Variants in SWT1 observed in about 807,000 individuals in gnomAD.
The protein encoded by SWT1 is SWT1 RNA endoribonuclease homolog.
SWT1 carries 33 observed loss-of-function variants against 107.3 expected under a neutral mutation model. The ratio of observed to expected loss-of-function variants is 0.31; its 90% CI spans 0.23 to 0.41. The LOEUF (loss-of-function observed/expected upper bound fraction) is 0.41. SWT1 is among the 10% of genes least tolerant of loss of function. The pLI, the probability that SWT1 is intolerant of heterozygous loss-of-function variation, is 1.00. For synonymous variants in SWT1, 345 were observed against 348.3 expected (o/e 0.99, Z 0.11); for missense variants, 898 against 1,028.9 (o/e 0.87, Z 1.74).
At chr1:185,271,944 CA>C (rs1166081724) in intron 17 of SWT1, among the ~76,000 whole-genome samples, 2 of 152,174 alleles carry the variant, frequency 1.3e-5, no homozygotes, top group African/African-American at 4.8e-5. Flanking sequence ...TGTTTCTCAT[CA>C]GGGGTGCTGT....
At chr1:185,230,192 C>T (rs1047359627) in intron 15 of SWT1, among the ~76,000 whole-genome samples, 3 of 152,190 alleles carry the variant, frequency 2.0e-5, no homozygotes, top group African/African-American at 7.2e-5. Context: ...CCGTAGTCAA[C>T]ATTGTGAATT....
chr1:185,275,437 A>G (rs1664175380), intron 17 of SWT1, among the ~76,000 whole-genome samples: 2 of 148,626 alleles, frequency 1.3e-5, no homozygotes, highest in Non-Finnish European at 3.0e-5. Flanking sequence ...TATAATATCA[A>G]ATATTATATA....
chr1:185,226,446 C>T (rs77430591), intron 15 of SWT1, among the ~76,000 whole-genome samples: 5,390 of 152,014 alleles, frequency 0.035, 306 homozygotes, highest in African/African-American at 0.12. Context: ...AAAACTATAC[C>T]AGAGCGAGGC....
intron 15 of SWT1, among the ~76,000 whole-genome samples, chr1:185,231,282 A>G (rs1316620521): frequency 6.6e-6 from 1 of 152,174 alleles, no homozygotes; most frequent in Non-Finnish European, 1.5e-5. Context: ...ATGCAGATGG[A>G]TAGCATTACT....
intron 5 of SWT1, among the ~76,000 whole-genome samples, chr1:185,178,680 A>G (rs1655774501): frequency 6.6e-6 from 1 of 152,188 alleles, no homozygotes; most frequent in Non-Finnish European, 1.5e-5. Flanking sequence ...GGAAGAGAAT[A>G]AAGAGATGTA....
At chr1:185,172,118 A>T (rs1264990259) in intron 4 of SWT1, among the ~76,000 whole-genome samples, 1 of 152,258 alleles carries the variant, frequency 6.6e-6, no homozygotes, top group East Asian at 1.9e-4. Context: ...GGTGCCTACC[A>T]GAGTGATGGC....
chr1:185,178,179 A>G (rs1655724745), intron 5 of SWT1, among the ~76,000 whole-genome samples: 1 of 152,226 alleles, frequency 6.6e-6, no homozygotes, highest in South Asian at 2.1e-4. Context: ...AGGACTAGAT[A>G]TGCTGTCCAG....
At chr1:185,216,377 C>A (rs1659217121) in intron 14 of SWT1, among the ~76,000 whole-genome samples, 1 of 151,902 alleles carries the variant, frequency 6.6e-6, no homozygotes, top group Non-Finnish European at 1.5e-5. Context: ...TTTCCCGTCA[C>A]AAAATTGAGT....
chr1:185,194,075 T>G (rs1657186230), intron 10 of SWT1, among the ~76,000 whole-genome samples: 1 of 152,204 alleles, frequency 6.6e-6, no homozygotes, highest in Non-Finnish European at 1.5e-5. Flanking sequence ...GGTTCTAAAG[T>G]CTTCTTTGTC....
At chr1:185,215,967 T>G (rs762305169) in intron 14 of SWT1, among the ~76,000 whole-genome samples, 1 of 152,028 alleles carries the variant, frequency 6.6e-6, no homozygotes, top group Non-Finnish European at 1.5e-5. Context: ...TATGTTCTCT[T>G]TTTTCTCTGA....
chr1:185,267,498 G>C (rs1213030009), intron 16 of SWT1, among the ~76,000 whole-genome samples: 2 of 152,190 alleles, frequency 1.3e-5, no homozygotes, highest in African/African-American at 4.8e-5. Flanking sequence ...CCAGCTGTGA[G>C]CTGCAGATTA....
At chr1:185,204,508 T>A (rs1658150346) in intron 11 of SWT1, among the ~76,000 whole-genome samples, 192 bp from the exon 12 acceptor site, 1 of 152,100 alleles carries the variant, frequency 6.6e-6, no homozygotes, top group Non-Finnish European at 1.5e-5. Flanking sequence ...AGTAATATAT[T>A]TATGTTGCAT....
chr1:185,219,126 A>C (rs1481073915), intron 14 of SWT1, among the ~76,000 whole-genome samples: 1 of 152,240 alleles, frequency 6.6e-6, no homozygotes. Context: ...GTAAACAGAC[A>C]AAAATGGGAA....
chr1:185,177,601 C>T (rs1470919599), intron 5 of SWT1, among the ~76,000 whole-genome samples: 1 of 152,032 alleles, frequency 6.6e-6, no homozygotes, highest in Non-Finnish European at 1.5e-5. Flanking sequence ...CATCTTAATA[C>T]CCTGTTTGTT....
At chr1:185,183,710 C>T (rs905488503) in intron 7 of SWT1, among the ~76,000 whole-genome samples, 3 of 152,180 alleles carry the variant, frequency 2.0e-5, no homozygotes, top group Non-Finnish European at 4.4e-5. Context: ...AATTACTCCC[C>T]AGGCAAGTCA....
chr1:185,160,735 A>C (rs1654071536), intron 1 of SWT1, 98 bp from the exon 2 acceptor site: 1 of 819,700 alleles, frequency 1.2e-6, no homozygotes, highest in South Asian at 1.7e-5. Context: ...AAGTGATCAT[A>C]TTGTAAAACT....
chr1:185,235,044 A>G (rs1008312942), intron 16 of SWT1, among the ~76,000 whole-genome samples: 2 of 152,222 alleles, frequency 1.3e-5, no homozygotes, highest in Non-Finnish European at 2.9e-5. Context: ...GACCAGTAAC[A>G]AGTTCTGAAA....
chr1:185,174,919 A>C lies in SWT1; in HGVS notation c.772A>C (p.Asn258His). ...AGAAAATGTCTTCAACATAGATTCTAATAATTCGAAGACTAAGCAGGAAGA... is the reference window on the plus strand; with the variant it reads ...AGAAAATGTCTTCAACATAGATTCTCATAATTCGAAGACTAAGCAGGAAGA... ...VEENVFNIDS[N>H]NSKTKQEERE... Residue 258 changes from asparagine to histidine, a missense_variant, in exon 5 of 19, where the codon AAT becomes CAT. Transcript: ENST00000367500. 1 of 1,614,024 alleles carries C rather than the reference A, an allele frequency of 6.2e-7. No individual in the cohort carries two copies. The highest frequency in any genetic ancestry group is 1.1e-5 in the South Asian group (1 of 91,066).
intron 16 of SWT1, among the ~76,000 whole-genome samples, chr1:185,246,644 T>TTTA (rs71101965): frequency 1.3e-5 from 2 of 149,742 alleles, no homozygotes; most frequent in Admixed American, 6.7e-5. Flanking sequence ...TTTTTTTTTT[T>TTTA]AATAGAGGGG....
Sources: gnomAD v4.1 joint callset for allele counts (sites outside exome capture counted in the v4.1 genomes callset) on GRCh38, gnomAD v4.1.1 for gene constraint, MANE v1.5 for transcripts, NCBI Gene and HGNC (gene_info 2026-07-23, HGNC 2026-07-21) for gene names.